The following PTPRZ1 variants were observed in gnomAD, a reference collection of about 807,000 sequenced individuals.
The protein encoded by PTPRZ1 is protein tyrosine phosphatase receptor type Z1, also known as receptor-type tyrosine-protein phosphatase zeta.
In PTPRZ1, 82 loss-of-function variants were observed where a neutral mutation model predicts 214.1. The observed-to-expected ratio is 0.38, with a 90% CI of 0.32 to 0.46. The LOEUF is 0.46. Ranked by LOEUF, PTPRZ1 falls within the 20% of genes least tolerant of loss-of-function variation. PTPRZ1 has a pLI of 1.00. For missense variants in PTPRZ1, 2,603 were observed against 2,748.7 expected (o/e 0.95, Z 1.19); for synonymous variants, 945 against 987.9 (o/e 0.96, Z 0.81).
intron 2 of PTPRZ1, among the ~76,000 whole-genome samples, chr7:121,957,500 T>C (rs2116476278): frequency 6.6e-6 from 1 of 152,286 alleles, no homozygotes. Context: ...GTGCTTTCCC[T>C]CAGCCTAAAA....
chr7:121,945,156 ATC>A (rs775709069), intron 2 of PTPRZ1, among the ~76,000 whole-genome samples: 9 of 152,330 alleles, frequency 5.9e-5, no homozygotes, highest in Admixed American at 2.0e-4. Context: ...TATTCAACAC[ATC>A]TTAATTAAGC....
At chr7:121,968,190 A>G (rs950638480) in intron 3 of PTPRZ1, 60 bp downstream of exon 3, 55 of 1,420,578 alleles carry the variant, frequency 3.9e-5, no homozygotes, top group Non-Finnish European at 5.2e-5. Flanking sequence ...GTATGTTTAG[A>G]CTAGTTTCAT....
intron 25 of PTPRZ1, among the ~76,000 whole-genome samples, chr7:122,052,150 C>G (rs193016464): frequency 2.6e-5 from 4 of 152,220 alleles, no homozygotes; most frequent in Admixed American, 6.5e-5. Context: ...CAAGCAAGAC[C>G]AATTAGCAGA....
chr7:122,023,810 ATATAT>A (rs1229221858), intron 13 of PTPRZ1, among the ~76,000 whole-genome samples: 1 of 132,884 alleles, frequency 7.5e-6, no homozygotes, highest in Non-Finnish European at 1.6e-5. Context: ...ATATATAATT[ATATAT>A]TATATGTATA....
intron 1 of PTPRZ1, among the ~76,000 whole-genome samples, chr7:121,888,407 A>G (rs1794470389): frequency 6.6e-6 from 1 of 152,102 alleles, no homozygotes; most frequent in African/African-American, 2.4e-5. Flanking sequence ...TATCAAAGGT[A>G]GTGTTATGTT....
chr7:121,885,511 G>A (rs1380371892), intron 1 of PTPRZ1, among the ~76,000 whole-genome samples: 4 of 152,072 alleles, frequency 2.6e-5, no homozygotes, highest in South Asian at 2.1e-4. Context: ...TCTGGGCACC[G>A]TCCATCCCAC....
chr7:121,886,725 C>T (rs757764934), intron 1 of PTPRZ1, among the ~76,000 whole-genome samples: 2 of 152,064 alleles, frequency 1.3e-5, no homozygotes, highest in South Asian at 4.2e-4. Context: ...TAATGTATTT[C>T]TGTAATTCTC....
chr7:122,019,815 A>T (rs1325299315), intron 13 of PTPRZ1, among the ~76,000 whole-genome samples: 3 of 152,276 alleles, frequency 2.0e-5, no homozygotes, highest in Admixed American at 6.5e-5. Context: ...TGCTTTGGGG[A>T]TGAAATATAG....
At chr7:121,950,950 A>G (rs1796526339) in intron 2 of PTPRZ1, among the ~76,000 whole-genome samples, 1 of 152,218 alleles carries the variant, frequency 6.6e-6, no homozygotes, top group African/African-American at 2.4e-5. Flanking sequence ...AGTTATAGAT[A>G]TGTATGCTTT....
chr7:121,989,002 G>A (rs1797854893), intron 8 of PTPRZ1, among the ~76,000 whole-genome samples: 1 of 152,118 alleles, frequency 6.6e-6, no homozygotes, highest in Non-Finnish European at 1.5e-5. Context: ...GAATTGTTAT[G>A]AAATAGTTTC....
intron 1 of PTPRZ1, among the ~76,000 whole-genome samples, chr7:121,879,340 T>G (rs757403824): frequency 2.0e-5 from 3 of 152,068 alleles, no homozygotes; most frequent in Non-Finnish European, 4.4e-5. Flanking sequence ...TGCTCTGGTG[T>G]TGGGGAGGAG....
intron 23 of PTPRZ1, among the ~76,000 whole-genome samples, chr7:122,049,195 C>A (rs568338624): frequency 6.6e-6 from 1 of 152,024 alleles, no homozygotes; most frequent in East Asian, 1.9e-4. Flanking sequence ...GCTTTCTTAG[C>A]CTTCTAGAAA....
chr7:121,894,110 A>G (rs920717357), intron 1 of PTPRZ1, among the ~76,000 whole-genome samples: 1 of 152,106 alleles, frequency 6.6e-6, no homozygotes, highest in African/African-American at 2.4e-5. Flanking sequence ...TTCTGCCACA[A>G]AGTTAGGCAT....
intron 1 of PTPRZ1, among the ~76,000 whole-genome samples, chr7:121,898,372 G>A (rs993975118): frequency 3.9e-5 from 6 of 151,922 alleles, no homozygotes; most frequent in Non-Finnish European, 8.8e-5. Context: ...TGCTGTTGTT[G>A]CATACACTCC....
chr7:122,042,476 C>CA (rs1799760212), intron 21 of PTPRZ1, 132 bp from the exon 22 acceptor site: 1 of 854,430 alleles, frequency 1.2e-6, no homozygotes, highest in Non-Finnish European at 1.7e-6. Context: ...ATTGAATTGC[C>CA]AAATGTATTG....
chr7:121,908,357 C>CGGTGGTCGGCGTAT, intron 1 of PTPRZ1: 1 of 237,214 alleles, frequency 4.2e-6, no homozygotes, highest in South Asian at 4.5e-5. Context: ...GTAGATCAAT[C>CGGTGGTCGGCGTAT]CCTTTGGAAA....
chr7:121,989,808 G>C (rs149550932), intron 8 of PTPRZ1, among the ~76,000 whole-genome samples: 1 of 152,158 alleles, frequency 6.6e-6, no homozygotes. Context: ...AAATTATAAA[G>C]CGTAGAAAAT....
chr7:121,960,100 A>T (rs1796829762), intron 2 of PTPRZ1, among the ~76,000 whole-genome samples: 1 of 152,212 alleles, frequency 6.6e-6, no homozygotes, highest in East Asian at 1.9e-4. Context: ...GTACAGTGGC[A>T]TGCTCTCGGC....
At chr7:121,944,894 C>T (rs1916877) in intron 2 of PTPRZ1, among the ~76,000 whole-genome samples, 30,862 of 152,050 alleles carry the variant, frequency 0.2, 3,356 homozygotes, top group African/African-American at 0.24. Flanking sequence ...CCACCTGATT[C>T]GGCCTCCTTT....
Sources: allele counts gnomAD v4.1 joint callset (sites outside exome capture counted in the v4.1 genomes callset), GRCh38; gene constraint gnomAD v4.1.1; transcripts MANE v1.5; gene names NCBI Gene and HGNC (gene_info 2026-07-23, HGNC 2026-07-21).